Variants in MACROD2 observed in about 807,000 individuals in gnomAD.
MACROD2 encodes mono-ADP ribosylhydrolase 2.
MACROD2 carries 36 observed loss-of-function variants against 70.4 expected under a neutral mutation model. The ratio of observed to expected loss-of-function variants is 0.51; its 90% confidence interval spans 0.39 to 0.68. The LOEUF (loss-of-function observed/expected upper bound fraction) is 0.68. Ranked by LOEUF, MACROD2 falls within the 30% of genes least tolerant of loss-of-function variation. The pLI is 0.00. For missense variants in MACROD2, 496 were observed against 538.4 expected, an observed-to-expected ratio of 0.92 and a Z score of 0.78; for synonymous variants, 172 against 178.8, an observed-to-expected ratio of 0.96 and a Z score of 0.30.
intron 3 of MACROD2, among the ~76,000 whole-genome samples, chr20:14,277,167 C>T (rs998249924): frequency 2.0e-5 from 3 of 151,928 alleles, no homozygotes; most frequent in Admixed American, 6.6e-5. Flanking sequence ...ATTAACTGGG[C>T]ATGGTGGCAC....
chr20:14,669,956 T>C (rs2070776390), intron 4 of MACROD2, among the ~76,000 whole-genome samples: 2 of 151,956 alleles, frequency 1.3e-5, no homozygotes, highest in African/African-American at 2.4e-5. Flanking sequence ...TCAAGGAATA[T>C]AGTGTTAGGA....
chr20:14,104,336 G>T (rs1378201872), intron 3 of MACROD2, among the ~76,000 whole-genome samples: 2 of 152,138 alleles, frequency 1.3e-5, no homozygotes, highest in African/African-American at 2.4e-5. Flanking sequence ...AAGAGGCATT[G>T]GTGTTGGGGT....
chr20:15,551,199 T>C (rs2048090997), intron 8 of MACROD2, among the ~76,000 whole-genome samples: 1 of 152,106 alleles, frequency 6.6e-6, no homozygotes. Context: ...ACCCCTTTGC[T>C]TAGGGCTACT....
chr20:14,400,881 A>T (rs1458297582), intron 3 of MACROD2, among the ~76,000 whole-genome samples: 1 of 152,134 alleles, frequency 6.6e-6, no homozygotes, highest in Non-Finnish European at 1.5e-5. Context: ...AGTCATAATG[A>T]TCTATATTAA....
At chr20:15,213,909 T>A (rs943945072) in intron 5 of MACROD2, among the ~76,000 whole-genome samples, 1 of 151,914 alleles carries the variant, frequency 6.6e-6, no homozygotes, top group African/African-American at 2.4e-5. Context: ...TTTTTTTTTT[T>A]ATTTTTTGTT....
chr20:14,758,106 TA>T (rs368463170), intron 5 of MACROD2: 11,847 of 271,196 alleles, frequency 0.044, 2 homozygotes, highest in Middle Eastern at 0.069. Context: ...CAAAAAAGCT[TA>T]AAAAAAAAAA....
At chr20:15,442,579 C>T (rs2046510235) in intron 7 of MACROD2, among the ~76,000 whole-genome samples, 1 of 152,084 alleles carries the variant, frequency 6.6e-6, no homozygotes, top group Non-Finnish European at 1.5e-5. Context: ...TCATCACTTC[C>T]ACTCACCTTC....
intron 8 of MACROD2, among the ~76,000 whole-genome samples, chr20:15,679,864 A>C (rs2050136767): frequency 6.6e-6 from 1 of 152,204 alleles, no homozygotes; most frequent in South Asian, 2.1e-4. Flanking sequence ...TGAATTCCAG[A>C]CCTGCAGAAA....
At chr20:14,231,032 A>G (rs1273793170) in intron 3 of MACROD2, among the ~76,000 whole-genome samples, 2 of 151,798 alleles carry the variant, frequency 1.3e-5, no homozygotes, top group African/African-American at 2.4e-5. Flanking sequence ...TAGTAATCTT[A>G]AAATATTCAG....
chr20:15,697,710 T>A (rs185134498), intron 8 of MACROD2, among the ~76,000 whole-genome samples: 101 of 152,310 alleles, frequency 6.6e-4, no homozygotes, highest in African/African-American at 2.4e-3. Context: ...GGTCTATTAG[T>A]AATCGTTTTA....
intron 6 of MACROD2, among the ~76,000 whole-genome samples, chr20:15,326,067 G>A (rs769991417): frequency 3.3e-5 from 5 of 152,104 alleles, no homozygotes; most frequent in Non-Finnish European, 7.4e-5. Context: ...CAAAAGTGAT[G>A]AATGAGGTAG....
In MACROD2 at chr20:15,467,812, T is replaced by A. The variant is rs2046914428; in HGVS notation, c.572-31962T>A. 2.6e-5 allele frequency among the ~76,000 whole-genome samples: 4 copies of A among 152,216 alleles called. No individual in the cohort carries two copies. The South Asian group carries it at 8.3e-4, about 32-fold the overall frequency. Reference sequence around the variant, plus strand: ...ACCAAGTGCCAGGTACTCTGTTTCTTCCTGAGTGTATAGTGGCAAGGGAGA... The same window carrying A: ...ACCAAGTGCCAGGTACTCTGTTTCTACCTGAGTGTATAGTGGCAAGGGAGA... On this transcript the variant is annotated intron_variant, in intron 7 of 17. Coordinates refer to ENST00000684519, the MANE Select transcript of MACROD2 (RefSeq NM_001351661.2).
At chr20:15,559,289 T>A (rs1334549536) in intron 8 of MACROD2, among the ~76,000 whole-genome samples, 1 of 144,726 alleles carries the variant, frequency 6.9e-6, no homozygotes, top group African/African-American at 2.6e-5. Flanking sequence ...TGGATGAAGG[T>A]AAGAGCCTAG....
intron 5 of MACROD2, among the ~76,000 whole-genome samples, chr20:14,798,568 T>G (rs1482175899): frequency 6.6e-6 from 1 of 152,140 alleles, no homozygotes; most frequent in Non-Finnish European, 1.5e-5. Context: ...AATGGTTGTG[T>G]AGCTGCTACC....
chr20:15,103,148 C>A (rs984722720), intron 5 of MACROD2, among the ~76,000 whole-genome samples: 1 of 151,978 alleles, frequency 6.6e-6, no homozygotes, highest in Non-Finnish European at 1.5e-5. Flanking sequence ...AGGAAAAAAA[C>A]AAACAAAACA....
At chr20:14,648,787 T>A (rs985697942) in intron 4 of MACROD2, among the ~76,000 whole-genome samples, 10 of 152,184 alleles carry the variant, frequency 6.6e-5, no homozygotes, top group African/African-American at 9.7e-5. Flanking sequence ...CCTTTTTAAT[T>A]GCTGCTTAAT....
chr20:15,807,397 T>C (rs1020660434), intron 8 of MACROD2, among the ~76,000 whole-genome samples: 3 of 152,184 alleles, frequency 2.0e-5, no homozygotes, highest in Non-Finnish European at 2.9e-5. Flanking sequence ...TCTGAATTCA[T>C]TGTGGGTCGT....
chr20:14,729,926 C>G (rs1568763068), intron 5 of MACROD2, among the ~76,000 whole-genome samples: 1 of 151,876 alleles, frequency 6.6e-6, no homozygotes, highest in Non-Finnish European at 1.5e-5. Flanking sequence ...TAAAAGGGAA[C>G]TAAATGTTCT....
intron 2 of MACROD2, among the ~76,000 whole-genome samples, chr20:14,012,538 T>C (rs187744205): frequency 1.2e-4 from 19 of 152,314 alleles, no homozygotes; most frequent in Admixed American, 1.1e-3. Flanking sequence ...GCTGGATTCA[T>C]GTATCTTAAA....
Sources: gnomAD v4.1 joint callset for allele counts (sites outside exome capture counted in the v4.1 genomes callset) on GRCh38, gnomAD v4.1.1 for gene constraint, MANE v1.5 for transcripts, NCBI Gene and HGNC (gene_info 2026-07-23, HGNC 2026-07-21) for gene names.